The following ZC3H18 variants were observed in gnomAD, a reference collection of about 807,000 sequenced individuals.
The protein encoded by ZC3H18 is zinc finger CCCH domain-containing protein 18.
A neutral mutation model predicts 106.1 loss-of-function variants in ZC3H18; 8 were observed. The observed-to-expected ratio is 0.08, with a 90% CI of 0.04 to 0.14. The LOEUF (loss-of-function observed/expected upper bound fraction) is 0.14, where lower values mean the gene tolerates loss of function less well. Among genes scored for constraint, ZC3H18 ranks in the 10% least tolerant of loss-of-function variants. The pLI, the probability that ZC3H18 is intolerant of heterozygous loss-of-function variation, is 1.00. For missense variants in ZC3H18, 1,318 were observed against 1,278.4 expected (o/e 1.03, Z -0.47); for synonymous variants, 635 against 522.1 (o/e 1.22, Z -2.95).
chr16:88,618,821 A>C (rs551449240), intron 8 of ZC3H18, among the ~76,000 whole-genome samples: 1 of 152,208 alleles, frequency 6.6e-6, no homozygotes, highest in African/African-American at 2.4e-5. Context: ...TGCAAATTCC[A>C]GATCTGTCCT....
At chr16:88,629,797 C>G (rs1484753990) in intron 16 of ZC3H18, among the ~76,000 whole-genome samples, 3 of 152,204 alleles carry the variant, frequency 2.0e-5, no homozygotes, top group Non-Finnish European at 2.9e-5. Context: ...GAGCTCAAAC[C>G]AGATAGAGGA....
chr16:88,618,035 A>C (rs1905731040), intron 8 of ZC3H18, among the ~76,000 whole-genome samples: 1 of 152,228 alleles, frequency 6.6e-6, no homozygotes, highest in Non-Finnish European at 1.5e-5. Context: ...AGGGATTTTC[A>C]TGTGCAGTTG....
At position 88,607,867 on chromosome 16, in the gene ZC3H18, C is replaced by A. The variant is rs555138323; in HGVS notation, c.1089-1067C>A. Among the ~76,000 whole-genome samples the A allele has an allele frequency of 5.9e-5, 9 of 152,344 alleles. No individual in the cohort carries two copies. In the East Asian group the frequency reaches 1.7e-3, roughly 29 times the overall value. On this transcript the variant is annotated intron_variant, in intron 6 of 17. Transcript: ENST00000301011. ...TCTCTCAGGCGTCTCCCCACTTATT[C>A]ACACACACTTTGTGTCTCTCAGGAA...
Position 88,631,618 on chromosome 16 carries a change from G to A in ZC3H18, c.*319G>A. The A allele has an allele frequency of 2.1e-6, 1 of 484,634 alleles. No homozygotes were observed. Among genetic ancestry groups the A allele is most frequent in the Non-Finnish European group, 4.1e-6 (1 of 246,446 alleles). The allele number at this position is 484,634 out of a possible 1,614,324, so 30.0% of individuals were successfully genotyped here. ...TCCTCCGTCTTCTTCCCTGGCCCTGGTCAGGCCTGTGGAGCCCCAGCTCTG... is the reference window on the plus strand; with the variant it reads ...TCCTCCGTCTTCTTCCCTGGCCCTGATCAGGCCTGTGGAGCCCCAGCTCTG... On this transcript the variant is annotated 3_prime_UTR_variant, in exon 18 of 18. Coordinates refer to ENST00000301011, the MANE Select transcript of ZC3H18 (RefSeq NM_144604.4).
chr16:88,576,262 G>A (rs1191947438), intron 1 of ZC3H18, among the ~76,000 whole-genome samples: 2 of 151,666 alleles, frequency 1.3e-5, no homozygotes, highest in South Asian at 2.1e-4. Context: ...GGCTGGTCTC[G>A]AACTGCTGGG....
rs1183319948 is a variant in ZC3H18, at chr16:88,597,712, A to G, written c.689-466A>G. ...TTCTCTGTGAGAGAAATGCAGACGT[A>G]CAGAGGTGGCCAAGGGGACCCTGAG... On this transcript the variant is annotated intron_variant, in intron 3 of 17. Coordinates refer to ENST00000301011, the MANE Select transcript of ZC3H18 (RefSeq NM_144604.4). Among the ~76,000 whole-genome samples the G allele has an allele frequency of 2.0e-5, 3 of 152,236 alleles. No individual in the cohort carries two copies. The East Asian group carries it at 5.8e-4, about 29-fold the overall frequency.
chr16:88,605,904 C>T (rs766331974), intron 6 of ZC3H18, among the ~76,000 whole-genome samples: 32 of 152,246 alleles, frequency 2.1e-4, no homozygotes, highest in Non-Finnish European at 4.1e-4. Context: ...GTTCTCCTCT[C>T]CAGCGAGGAG....
chr16:88,591,642 G>A (rs1198301288), intron 3 of ZC3H18, among the ~76,000 whole-genome samples: 1 of 152,084 alleles, frequency 6.6e-6, no homozygotes, highest in Non-Finnish European at 1.5e-5. Context: ...TCCCTCATCT[G>A]TGGGTGGACA....
chr16:88,614,977 C>T (rs1294122832), intron 8 of ZC3H18, among the ~76,000 whole-genome samples: 1 of 149,208 alleles, frequency 6.7e-6, no homozygotes, highest in African/African-American at 2.5e-5. Flanking sequence ...CCTCCTGTTC[C>T]CTCTGCCCAG....
chr16:88,594,609 G>A (rs991646118), intron 3 of ZC3H18, among the ~76,000 whole-genome samples: 3 of 152,152 alleles, frequency 2.0e-5, no homozygotes, highest in African/African-American at 7.2e-5. Flanking sequence ...GTGAAAAAAA[G>A]CAAGGTTCAG....
At chr16:88,586,755 C>G in intron 3 of ZC3H18, 71 bp downstream of exon 3, 1 of 1,271,626 alleles carries the variant, frequency 7.9e-7, no homozygotes, top group South Asian at 1.2e-5. Flanking sequence ...GGTGCTGGCT[C>G]ACCTTGCCAG....
At chr16:88,623,474 A>G (rs2142811462) in intron 10 of ZC3H18, 130 bp downstream of exon 10, 1 of 1,296,836 alleles carries the variant, frequency 7.7e-7, no homozygotes, top group Middle Eastern at 2.0e-4. Flanking sequence ...CTGAACTAGG[A>G]TGGCCAGGGG....
chr16:88,584,607 C>T lies in ZC3H18; in HGVS notation c.604-1993C>T, dbSNP rs1915327652. On this transcript the variant is annotated intron_variant, in intron 2 of 17. Coordinates refer to ENST00000301011, the MANE Select transcript of ZC3H18 (RefSeq NM_144604.4). Reference sequence around the variant, plus strand: ...CAATATGTACAGCCCCTGGTCCTTGCGGGTGTAGAGGCTGGGTGACTGGGG... The same window carrying T: ...CAATATGTACAGCCCCTGGTCCTTGTGGGTGTAGAGGCTGGGTGACTGGGG... 2.6e-5 allele frequency among the ~76,000 whole-genome samples: 4 copies of T among 152,190 alleles called. No individual in the cohort carries two copies. The South Asian group carries it at 8.3e-4, about 32-fold the overall frequency.
intron 6 of ZC3H18, among the ~76,000 whole-genome samples, chr16:88,605,365 G>A (rs1904961422): frequency 6.6e-6 from 1 of 152,240 alleles, no homozygotes; most frequent in African/African-American, 2.4e-5. Flanking sequence ...AGTGGCCAGC[G>A]TTGCAACAGG....
At chr16:88,594,096 G>C (rs1005118155) in intron 3 of ZC3H18, among the ~76,000 whole-genome samples, 2 of 152,122 alleles carry the variant, frequency 1.3e-5, no homozygotes, top group Non-Finnish European at 2.9e-5. Context: ...ATCTCTTCCT[G>C]GGGCTGTAAT....
chr16:88,627,200 G>A lies in ZC3H18; in HGVS notation c.2109-422G>A, dbSNP rs1230070413. The A allele has an allele frequency of 1.3e-5, 2 of 155,760 alleles. No homozygotes were observed. The highest frequency in any genetic ancestry group is 6.3e-5 in the Admixed American group (1 of 15,806). 9.6% of individuals were successfully genotyped at this position (155,760 alleles called of 1,614,324 possible). ...TTTTTTTGCCTCAGCCTCCCCAGTA[G>A]CTGGGATTACAGGCGCCTGCGACCA... is the stretch of plus-strand genomic sequence containing the variant. On this transcript the variant is annotated intron_variant, in intron 13 of 17. Transcript: ENST00000301011. The surrounding 1 kb of genome is among the most constrained non-coding windows in gnomAD (Gnocchi z 4.5).
chr16:88,630,451 A>G (rs1444654063), intron 16 of ZC3H18, 34 bp from the exon 17 acceptor site: 2 of 1,576,952 alleles, frequency 1.3e-6, no homozygotes, highest in Non-Finnish European at 1.7e-6. Context: ...CCTGTACATC[A>G]GGAGGGTGGT....
intron 3 of ZC3H18, among the ~76,000 whole-genome samples, chr16:88,587,210 G>C (rs1314949487): frequency 6.6e-6 from 1 of 152,222 alleles, no homozygotes. Flanking sequence ...AGCTGCAGCA[G>C]GGGACAGTGT....
intron 3 of ZC3H18, among the ~76,000 whole-genome samples, chr16:88,592,684 T>G (rs1915821638): frequency 6.6e-6 from 1 of 152,064 alleles, no homozygotes; most frequent in Non-Finnish European, 1.5e-5. Flanking sequence ...TTTCAGTTGG[T>G]CAGGCTGGTC....
Sources: allele counts gnomAD v4.1 joint callset (sites outside exome capture counted in the v4.1 genomes callset), GRCh38; gene constraint gnomAD v4.1.1; non-coding constraint Gnocchi (gnomAD v3.1); transcripts MANE v1.5; gene names NCBI Gene and HGNC (gene_info 2026-07-23, HGNC 2026-07-21).